Variants in FANCA observed in about 807,000 individuals in gnomAD.
FANCA encodes FA complementation group A.
A neutral mutation model predicts 194.3 loss-of-function variants in FANCA; 236 were observed. The observed-to-expected ratio is 1.21, with a 90% CI of 1.09 to 1.35. The LOEUF is 1.35. Among genes scored for constraint, FANCA ranks in the 40% most tolerant of loss-of-function variants. FANCA has a pLI of 0.00. For synonymous variants in FANCA, 1,014 were observed against 715.8 expected (o/e 1.42, Z -6.65); for missense variants, 2,628 against 1,813.9 (o/e 1.45, Z -8.15).
Position 89,778,990 on chromosome 16 carries a change from G to T in FANCA, c.1729C>A (p.Pro577Thr). Residue 577 changes from proline (P) to threonine (T), a missense_variant, in exon 19 of 43, where the codon CCT becomes ACT. By Grantham distance (38) the Pro-to-Thr change is conservative. Transcript: ENST00000389301. Reference sequence around the variant, plus strand: ...GGGAGGAAGTGGGACACGTAGTAAGGCCTCCTGAATATGCTGCAACACAGA... The same window carrying T: ...GGGAGGAAGTGGGACACGTAGTAAGTCCTCCTGAATATGCTGCAACACAGA... ...TVMEASIFRR[P>T]YYVSHFLPAL... 6.2e-7 allele frequency: 1 copy of T among 1,613,734 alleles called. No individual in the cohort carries two copies. The highest frequency in any genetic ancestry group is 8.5e-7 in the Non-Finnish European group (1 of 1,180,014).
intron 20 of FANCA, 134 bp from the exon 21 acceptor site, chr16:89,775,949 CTG>C: frequency 2.2e-6 from 1 of 447,588 alleles, no homozygotes; most frequent in Non-Finnish European, 3.9e-6. Context: ...CAGTATGAGC[CTG>C]TTTTTACAAA....
chr16:89,805,294 C>G lies in FANCA; in HGVS notation c.695G>C (p.Arg232Thr). 6.2e-7 allele frequency: 1 copy of G among 1,613,774 alleles called. No homozygotes were observed. Among genetic ancestry groups the G allele is most frequent in the East Asian group, 2.2e-5 (1 of 44,882 alleles). Residue 232 changes from arginine (R) to threonine (T), a missense_variant, in exon 7 of 43, where the codon AGG (arginine) becomes ACG (threonine). Coordinates refer to ENST00000389301, the MANE Select transcript of FANCA (RefSeq NM_000135.4). ...EASCQHADVA[R>T]AMLSDFVQMF... ...CATGAACGCACCAGAAAGCATGGCCCTGGCGACGTCAGCATGCTGGCAGGA... is the reference window on the plus strand; with the variant it reads ...CATGAACGCACCAGAAAGCATGGCCGTGGCGACGTCAGCATGCTGGCAGGA...
chr16:89,751,674 C>A (rs2038596524), intron 31 of FANCA, among the ~76,000 whole-genome samples: 1 of 152,108 alleles, frequency 6.6e-6, no homozygotes, highest in Non-Finnish European at 1.5e-5. Context: ...TGAACCCACA[C>A]AGGTACATGC....
chr16:89,792,801 AG>A, intron 11 of FANCA: 1 of 427,750 alleles, frequency 2.3e-6, no homozygotes, highest in Non-Finnish European at 4.5e-6. Context: ...ACAAAGCAAA[AG>A]GGGCAGGGTA....
chr16:89,782,912 T>C lies in FANCA; in HGVS notation c.1573A>G (p.Ile525Val), dbSNP rs755925068. Reference sequence around the variant, plus strand: ...TCCTCGTAGAGTCCCATGTTTTCTATAGAAACCTTCAGGGAAGACACAGAA... The same window carrying C: ...TCCTCGTAGAGTCCCATGTTTTCTACAGAAACCTTCAGGGAAGACACAGAA... ...KTRLADLKVS[I>V]ENMGLYEDLS... Residue 525 changes from isoleucine to valine, a missense_variant, in exon 17 of 43, where the codon ATA becomes GTA. By Grantham distance (29) the Ile-to-Val change is conservative. Coordinates refer to ENST00000389301, the MANE Select transcript of FANCA (RefSeq NM_000135.4). The C allele has an allele frequency of 6.6e-5, 107 of 1,613,898 alleles. No homozygotes were observed. In the East Asian group the frequency reaches 7.6e-4, roughly 11 times the overall value.
At chr16:89,800,478 C>G (rs978251070) in intron 8 of FANCA, among the ~76,000 whole-genome samples, 1 of 152,138 alleles carries the variant, frequency 6.6e-6, no homozygotes, top group South Asian at 2.1e-4. Context: ...TGGGACGTAT[C>G]CAAAACTATC....
chr16:89,751,932 G>A (rs3743861), intron 31 of FANCA, among the ~76,000 whole-genome samples: 1 of 151,714 alleles, frequency 6.6e-6, no homozygotes, highest in African/African-American at 2.4e-5. Context: ...CACCACGCCC[G>A]GCTAAATTTT....
intron 36 of FANCA, 37 bp from the exon 37 acceptor site, chr16:89,742,975 C>T (rs376736010): frequency 6.3e-7 from 1 of 1,599,954 alleles, no homozygotes; most frequent in South Asian, 1.1e-5. Flanking sequence ...CAGGGCCTTA[C>T]AACCATACAA....
intron 28 of FANCA, 55 bp from the exon 29 acceptor site, chr16:89,762,077 G>A (rs17226834): frequency 5.4e-5 from 74 of 1,376,244 alleles, no homozygotes; most frequent in African/African-American, 9.9e-5. Context: ...ACAATCCACC[G>A]ACAGGTTTAT....
At chr16:89,765,168 C>T (rs2039083947) in intron 27 of FANCA, 102 bp from the exon 28 acceptor site, 6 of 1,330,992 alleles carry the variant, frequency 4.5e-6, no homozygotes, top group Non-Finnish European at 6.4e-6. Flanking sequence ...AGCCCACACA[C>T]ACAACCCCAC....
At position 89,809,728 on chromosome 16, in the gene FANCA, C is replaced by A. The variant is rs369942178; in HGVS notation, c.522+979G>T. Among the ~76,000 whole-genome samples the A allele has an allele frequency of 1.6e-4, 24 of 152,182 alleles. No homozygotes were observed. The South Asian group carries it at 4.8e-3, about 30-fold the overall frequency. ...ATTAGCCAGGCATGGTGGCGCATGCCTGTAATCCCAGCTACTCGGGAGGCT... is the reference window on the plus strand; with the variant it reads ...ATTAGCCAGGCATGGTGGCGCATGCATGTAATCCCAGCTACTCGGGAGGCT... On this transcript the variant is annotated intron_variant, in intron 5 of 42. Transcript: ENST00000389301.
chr16:89,759,318 TAAAAAAA>T (rs71137673), intron 29 of FANCA, among the ~76,000 whole-genome samples: 70 of 75,198 alleles, frequency 9.3e-4, no homozygotes, highest in South Asian at 1.3e-3. Flanking sequence ...AGACTCCGTC[TAAAAAAA>T]AAAAAAAAAA....
chr16:89,796,083 C>G lies in FANCA; in HGVS notation c.894-65G>C, dbSNP rs912877921. The G allele has an allele frequency of 4.0e-6, 5 of 1,243,858 alleles. No homozygotes were observed. The African/African-American group carries it at 7.4e-5, about 18-fold the overall frequency. The allele number at this position is 1,243,858 out of a possible 1,614,324, so 77.1% of individuals were successfully genotyped here. On this transcript the variant is annotated intron_variant, in intron 10 of 42. Transcript: ENST00000389301. ...TGCCTTGCACGCCACCCACCAATCC[C>G]AGCACAAACTGTGGCTCAGGCTCAT...
At chr16:89,758,494 C>T in intron 30 of FANCA, 83 bp downstream of exon 30, 1 of 1,548,314 alleles carries the variant, frequency 6.5e-7, no homozygotes, top group South Asian at 1.1e-5. Flanking sequence ...AGATGGGCAC[C>T]AGCATGGCCA....
At chr16:89,762,669 C>A in intron 28 of FANCA, 1 of 327,646 alleles carries the variant, frequency 3.1e-6, no homozygotes, top group Middle Eastern at 3.9e-4. Context: ...GGTTCTGTTG[C>A]CCAGGCTGGA....
At chr16:89,743,731 G>A (rs1416470020) in intron 36 of FANCA, among the ~76,000 whole-genome samples, 1 of 152,090 alleles carries the variant, frequency 6.6e-6, no homozygotes, top group Non-Finnish European at 1.5e-5. Flanking sequence ...ACTGAGGCAG[G>A]AGGATCGCTT....
rs34471552 is a variant in FANCA at position 89,771,155 on chromosome 16, C to CAAAAAAAAAAAAAAAAAAAAAAAAA, written c.2151+522_2152-521insTTTTTTTTTTTTTTTTTTTTTTTTT. ...GCCTGGGCAACAGAGAAGACTCAGT[C>CAAAAAAAAAAAAAAAAAAAAAAAAA]AAAAAAAAAAAAAAAAAAAGAGGCC... On this transcript the variant is annotated intron_variant, in intron 23 of 42. Coordinates refer to ENST00000389301, the MANE Select transcript of FANCA (RefSeq NM_000135.4). Among the ~76,000 whole-genome samples the CAAAAAAAAAAAAAAAAAAAAAAAAA allele has an allele frequency of 4.9e-4, 28 of 56,644 alleles. 1 individual carries two copies. The highest frequency in any genetic ancestry group is 1.9e-3 in the African/African-American group (26 of 13,738). The allele number at this position is 56,644 out of a possible 152,430, so 37.2% of individuals were successfully genotyped here. A position where few individuals can be genotyped will look rare whatever the true frequency, so the allele number is the denominator to read the frequency against.
intron 10 of FANCA, chr16:89,798,757 G>A: frequency 7.3e-7 from 1 of 1,377,426 alleles, no homozygotes; most frequent in Non-Finnish European, 9.4e-7. Flanking sequence ...CAGGCAGCGG[G>A]AGTCTGTAGA....
At position 89,749,769 on chromosome 16, in the gene FANCA, G is replaced by A. The variant is rs778307889; in HGVS notation, c.3200C>T (p.Ala1067Val). ...QALTSGWSVA[A>V]SLQRQRELLM... ...CAGCTCCCTCTGTCTCTGAAGGCTG[G>A]CAGCCACGCTCCACCCGCTTGTCAG... The change falls in exon 32 of 43, where the codon GCC (alanine) becomes GTC (valine). Residue 1067 changes from alanine (A) to valine (V), a missense_variant. By Grantham distance (64) the Ala-to-Val change is moderately conservative. Transcript: ENST00000389301. 6.2e-7 allele frequency: 1 copy of A among 1,614,196 alleles called. No homozygotes were observed. The highest frequency in any genetic ancestry group is 1.7e-5 in the Admixed American group (1 of 60,020).
Sources: gnomAD v4.1 joint callset for allele counts (sites outside exome capture counted in the v4.1 genomes callset) on GRCh38, gnomAD v4.1.1 for gene constraint, MANE v1.5 for transcripts, NCBI Gene and HGNC (gene_info 2026-07-23, HGNC 2026-07-21) for gene names.